The following GRID1 variants were observed in gnomAD, a reference collection of about 807,000 sequenced individuals.
GRID1 encodes the protein glutamate receptor ionotropic, delta-1.
A neutral mutation model predicts 98.0 loss-of-function variants in GRID1; 28 were observed. The ratio of observed to expected loss-of-function variants is 0.29; its 90% CI spans 0.21 to 0.39. GRID1 has a LOEUF of 0.39. Ranked by LOEUF, GRID1 falls within the 10% of genes least tolerant of loss-of-function variation. The probability of loss-of-function intolerance (pLI) is 1.00; values close to 1 mark genes in which losing one functional copy is unlikely to be tolerated. For missense variants in GRID1, 1,111 were observed against 1,340.5 expected (o/e 0.83, Z 2.67); for synonymous variants, 553 against 538.5 (o/e 1.03, Z -0.37).
At chr10:86,076,466 C>T in intron 4 of GRID1, among the ~76,000 whole-genome samples, 1 of 152,184 alleles carries the variant, frequency 6.6e-6, no homozygotes, top group Non-Finnish European at 1.5e-5. Context: ...AGTCAGGCTT[C>T]TCCAGAGAAA....
chr10:85,608,361 T>TA (rs1842696153), intron 15 of GRID1, among the ~76,000 whole-genome samples: 1 of 152,228 alleles, frequency 6.6e-6, no homozygotes. Context: ...TCTGTATTTC[T>TA]AAAAAGCCCC....
intron 8 of GRID1, among the ~76,000 whole-genome samples, chr10:85,761,853 C>T (rs764907923): frequency 3.3e-5 from 5 of 152,028 alleles, no homozygotes; most frequent in Admixed American, 6.6e-5. Flanking sequence ...TCTCATTTGG[C>T]GGTTTACTGG....
chr10:85,931,949 G>T (rs548301053), intron 4 of GRID1, among the ~76,000 whole-genome samples: 74 of 152,266 alleles, frequency 4.9e-4, no homozygotes, highest in Non-Finnish European at 7.9e-4. Context: ...ATTATATCCT[G>T]CCAGAAGAGA....
In GRID1 at chr10:85,884,545, G is replaced by A. The variant is rs988329532; in HGVS notation, c.781-15365C>T. On this transcript the variant is annotated intron_variant, in intron 5 of 15. Transcript: ENST00000327946. ...TGTATTCTTGAATCATCTCATTATC[G>A]TGACTGAAAGAATGTAAACATTCTG... Among the ~76,000 whole-genome samples, 8 of 152,070 alleles carry A rather than the reference G, an allele frequency of 5.3e-5. 1 individual carries two copies. The South Asian group carries it at 6.2e-4, about 12-fold the overall frequency.
chr10:86,272,917 T>TTAG (rs1308811935), intron 2 of GRID1, among the ~76,000 whole-genome samples: 1 of 152,146 alleles, frequency 6.6e-6, no homozygotes, highest in African/African-American at 2.4e-5. Flanking sequence ...TTTTTGTTTT[T>TTAG]TATTATTATT....
intron 8 of GRID1, among the ~76,000 whole-genome samples, chr10:85,808,840 C>G (rs575775777): frequency 6.6e-6 from 1 of 152,052 alleles, no homozygotes; most frequent in African/African-American, 2.4e-5. Flanking sequence ...TACTATTACA[C>G]ATATTAAAAA....
chr10:85,723,394 T>C (rs1043984489), intron 11 of GRID1, among the ~76,000 whole-genome samples: 8 of 152,106 alleles, frequency 5.3e-5, no homozygotes, highest in African/African-American at 1.9e-4. Flanking sequence ...GGTGCGAAGG[T>C]TGTCAAAACA....
chr10:85,960,307 C>T (rs1236308906), intron 4 of GRID1, among the ~76,000 whole-genome samples: 4 of 152,226 alleles, frequency 2.6e-5, no homozygotes, highest in African/African-American at 7.2e-5. Flanking sequence ...GCACAATCTT[C>T]CATTTTCACT....
chr10:85,809,879 C>T (rs932874039), intron 8 of GRID1, among the ~76,000 whole-genome samples: 6 of 152,162 alleles, frequency 3.9e-5, no homozygotes, highest in Admixed American at 6.5e-5. Flanking sequence ...CTATAGCCCC[C>T]CTGTAGTCTT....
rs566006408 is a variant in GRID1 at position 85,648,878 on chromosome 10, A to G, written c.1998-1481T>C. On this transcript the variant is annotated intron_variant, in intron 12 of 15. Coordinates refer to ENST00000327946, the MANE Select transcript of GRID1 (RefSeq NM_017551.3). ...GGGACTTCAGAGGGCCATGTGCCAGAGCAGAGACAAGCAAGGGCTCTGGAG... is the reference window on the plus strand; with the variant it reads ...GGGACTTCAGAGGGCCATGTGCCAGGGCAGAGACAAGCAAGGGCTCTGGAG... 2.9e-3 allele frequency among the ~76,000 whole-genome samples: 435 copies of G among 152,318 alleles called. 1 individual carries two copies. The highest frequency in any genetic ancestry group is 1.0e-2 in the African/African-American group (414 of 41,566).
chr10:86,351,014 G>A (rs1459548207), intron 2 of GRID1, among the ~76,000 whole-genome samples: 1 of 152,116 alleles, frequency 6.6e-6, no homozygotes, highest in Non-Finnish European at 1.5e-5. Context: ...AATGTGTTTA[G>A]CTCCCACATG....
chr10:86,229,798 C>T (rs1846422110), intron 2 of GRID1, among the ~76,000 whole-genome samples: 3 of 152,214 alleles, frequency 2.0e-5, no homozygotes, highest in African/African-American at 7.2e-5. Context: ...CACAACCTCC[C>T]CCACTTCACT....
chr10:86,330,811 G>A (rs1848128988), intron 2 of GRID1, among the ~76,000 whole-genome samples: 1 of 152,220 alleles, frequency 6.6e-6, no homozygotes, highest in African/African-American at 2.4e-5. Context: ...CAGGAAGCCC[G>A]CTGCACATGG....
At position 85,894,959 on chromosome 10, in the gene GRID1, G is replaced by A. The variant is rs1179740881; in HGVS notation, c.780+21227C>T. 6.4e-5 allele frequency among the ~76,000 whole-genome samples: 9 copies of A among 141,224 alleles called. No homozygotes were observed. In the Admixed American group the frequency reaches 6.7e-4, roughly 10 times the overall value. The allele number at this position is 141,224 out of a possible 152,430, so 92.6% of individuals were successfully genotyped here. A position where few individuals can be genotyped will look rare whatever the true frequency, so the allele number is the denominator to read the frequency against. On this transcript the variant is annotated intron_variant, in intron 5 of 15. Transcript: ENST00000327946. ...AGAGCTGGAGGTTGCAGTGAACCAA[G>A]ATTGTGTCACTGCACCACAGCCTTC...
intron 2 of GRID1, among the ~76,000 whole-genome samples, chr10:86,333,328 C>T (rs1463958687): frequency 4.6e-5 from 7 of 152,218 alleles, no homozygotes; most frequent in Non-Finnish European, 8.8e-5. Flanking sequence ...AACTTTCCTG[C>T]CAGTCTATGC....
In GRID1 at chr10:85,622,735, C is replaced by A. The variant is rs113688599; in HGVS notation, c.2194-2702G>T. On this transcript the variant is annotated intron_variant, in intron 13 of 15. Transcript: ENST00000327946. ...AGATCGAGGGGCTCACCTTTGGAGA[C>A]GGCAGAAAATCTAATGCCAGGGGAT... Among the ~76,000 whole-genome samples the A allele has an allele frequency of 3.3e-5, 5 of 152,082 alleles. No individual in the cohort carries two copies. In the South Asian group the frequency reaches 1.0e-3, roughly 32 times the overall value.
chr10:85,755,852 A>G (rs1050120892), intron 8 of GRID1, among the ~76,000 whole-genome samples: 1 of 151,930 alleles, frequency 6.6e-6, no homozygotes, highest in Non-Finnish European at 1.5e-5. Flanking sequence ...CCCTCATCTC[A>G]TCCCTAAAAC....
intron 12 of GRID1, among the ~76,000 whole-genome samples, chr10:85,676,141 T>C (rs143406254): frequency 6.6e-6 from 1 of 152,312 alleles, no homozygotes; most frequent in Non-Finnish European, 1.5e-5. Context: ...ACCAGACCTG[T>C]AGTGGATACT....
chr10:85,986,205 G>C (rs755698660), intron 4 of GRID1, among the ~76,000 whole-genome samples: 1 of 152,220 alleles, frequency 6.6e-6, no homozygotes, highest in East Asian at 1.9e-4. Flanking sequence ...CGGTAAGTCA[G>C]TCTCCCATAT....
Sources: allele counts gnomAD v4.1 joint callset (sites outside exome capture counted in the v4.1 genomes callset), GRCh38; gene constraint gnomAD v4.1.1; transcripts MANE v1.5; gene names NCBI Gene and HGNC (gene_info 2026-07-23, HGNC 2026-07-21).